SCNN1B: variants seen among roughly 807,000 people sequenced by gnomAD.
The protein encoded by SCNN1B is epithelial sodium channel subunit beta.
A neutral mutation model predicts 65.3 loss-of-function variants in SCNN1B; 46 were observed. That is an observed-to-expected ratio of 0.70 (90% CI 0.56 to 0.90). SCNN1B has a LOEUF of 0.90. SCNN1B is among the 40% of genes least tolerant of loss of function. SCNN1B has a pLI of 0.00. For missense variants in SCNN1B, 751 were observed against 830.5 expected (o/e 0.90, Z 1.18); for synonymous variants, 349 against 330.6 (o/e 1.06, Z -0.60).
chr16:23,373,186 A>G (rs1050177931), intron 7 of SCNN1B, among the ~76,000 whole-genome samples: 5 of 152,170 alleles, frequency 3.3e-5, no homozygotes, highest in African/African-American at 1.2e-4. Flanking sequence ...TGGTGCCATC[A>G]TAGTTCACTG....
intron 1 of SCNN1B, among the ~76,000 whole-genome samples, chr16:23,343,632 AAAGAAAGAAAGAAAG>A (rs1567304443): frequency 3.0e-5 from 4 of 131,734 alleles, no homozygotes; most frequent in African/African-American, 1.2e-4. Context: ...AGAAAGAAAG[AAAGAAAGAAAGAAAG>A]AAAAAAAGAA....
Position 23,371,836 on chromosome 16 carries a change from C to A in SCNN1B, c.1105C>A (p.Pro369Thr), listed in dbSNP as rs137852711. ...SPCTVNGSEV[P>T]VQNFYSDYNT... ...GTGCACCGTGAATGGTTCTGAGGTC[C>A]CCGTCCAAAACTTCTACAGTGACTA... The change falls in exon 7 of 13, where the codon CCC becomes ACC. Residue 369 changes from proline (P) to threonine (T), a missense_variant. Transcript: ENST00000343070. The A allele has an allele frequency of 2.8e-5, 45 of 1,614,224 alleles. No individual in the cohort carries two copies. The African/African-American group carries it at 4.9e-4, about 18-fold the overall frequency.
chr16:23,331,958 C>CTTGTTTGT (rs551211178), intron 1 of SCNN1B, among the ~76,000 whole-genome samples: 2 of 151,864 alleles, frequency 1.3e-5, no homozygotes, highest in Middle Eastern at 3.2e-3. Flanking sequence ...TGGGTTTTTG[C>CTTGTTTGT]TTGTTTGTTT....
At chr16:23,301,034 CAA>C (rs1483953149), upstream of SCNN1B, among the ~76,000 whole-genome samples, 1 of 130,192 alleles carries the variant, frequency 7.7e-6, no homozygotes, top group Admixed American at 7.5e-5. Flanking sequence ...TCCACATAAA[CAA>C]AAAGTCTCAG....
rs147619257 is a variant in SCNN1B at position 23,324,597 on chromosome 16, T to G, written c.-9+22160T>G. Among the ~76,000 whole-genome samples, 113 of 152,234 alleles carry G rather than the reference T, an allele frequency of 7.4e-4. 1 individual carries two copies. In the East Asian group the frequency reaches 0.02, roughly 27 times the overall value. On this transcript the variant is annotated intron_variant, in intron 1 of 12. Transcript: ENST00000343070. Reference sequence around the variant, plus strand: ...TCCTCCTACATAAGCCTCCAAACATTATCAGGTTGACCTTATTTTTCTGAC... The same window carrying G: ...TCCTCCTACATAAGCCTCCAAACATGATCAGGTTGACCTTATTTTTCTGAC...
intron 2 of SCNN1B, among the ~76,000 whole-genome samples, chr16:23,297,094 C>G (rs1427317391): frequency 1.3e-5 from 2 of 152,126 alleles, no homozygotes; most frequent in African/African-American, 4.8e-5. Flanking sequence ...AGACCCAGCG[C>G]CTGGGGGCCT....
At chr16:23,300,993 C>CGTGTGT (rs60930177), upstream of SCNN1B, among the ~76,000 whole-genome samples, 3,157 of 148,452 alleles carry the variant, frequency 0.021, 71 homozygotes, top group African/African-American at 0.056. Context: ...GTTAAAAACA[C>CGTGTGT]GTGTGTGTGT....
chr16:23,324,465 A>G (rs963892074), intron 1 of SCNN1B, among the ~76,000 whole-genome samples: 2 of 152,130 alleles, frequency 1.3e-5, no homozygotes, highest in Non-Finnish European at 2.9e-5. Flanking sequence ...AGCCTCTCAA[A>G]GTGCTGGAAT....
chr16:23,360,182 A>G (rs1567311299), intron 4 of SCNN1B, among the ~76,000 whole-genome samples: 1 of 151,748 alleles, frequency 6.6e-6, no homozygotes, highest in Non-Finnish European at 1.5e-5. Flanking sequence ...TGGGAGAGAG[A>G]GCGAGACTCC....
intron 4 of SCNN1B, among the ~76,000 whole-genome samples, chr16:23,364,024 A>G (rs2142031733): frequency 6.7e-6 from 1 of 148,570 alleles, no homozygotes; most frequent in East Asian, 2.1e-4. Context: ...AAAATTAGCC[A>G]GGCGTGGTGG....
chr16:23,339,668 C>T (rs1222692086), intron 1 of SCNN1B, among the ~76,000 whole-genome samples: 3 of 152,066 alleles, frequency 2.0e-5, no homozygotes, highest in Middle Eastern at 3.4e-3. Context: ...TGGGCTCAAG[C>T]GATTCTCCTG....
At chr16:23,355,624 T>C (rs1320170527) in intron 4 of SCNN1B, 135 bp downstream of exon 4, 2 of 875,840 alleles carry the variant, frequency 2.3e-6, no homozygotes, top group Non-Finnish European at 3.7e-6. Context: ...CAGTTTTCTG[T>C]GCCTCGGTGT....
intron 1 of SCNN1B, among the ~76,000 whole-genome samples, chr16:23,309,429 TAG>T (rs1261504690): frequency 1.3e-5 from 2 of 148,482 alleles, no homozygotes; most frequent in African/African-American, 5.1e-5. Flanking sequence ...GATAGATAGA[TAG>T]ATAGATAGAC....
intron 1 of SCNN1B, among the ~76,000 whole-genome samples, chr16:23,327,044 G>A (rs894763406): frequency 2.6e-5 from 4 of 152,034 alleles, no homozygotes; most frequent in African/African-American, 9.7e-5. Flanking sequence ...AGCCTTCCAA[G>A]AAGCTGGGAC....
intron 1 of SCNN1B, among the ~76,000 whole-genome samples, chr16:23,342,742 G>A (rs941892115): frequency 3.3e-5 from 5 of 152,214 alleles, no homozygotes; most frequent in African/African-American, 1.2e-4. Context: ...ATCCTGGGCT[G>A]CCTGTGGCCT....
At chr16:23,314,491 A>G (rs1001707255) in intron 1 of SCNN1B, among the ~76,000 whole-genome samples, 2 of 152,192 alleles carry the variant, frequency 1.3e-5, no homozygotes, top group East Asian at 1.9e-4. Flanking sequence ...GCCCAAGGTC[A>G]CACAGAGCTA....
chr16:23,372,117 C>T, intron 7 of SCNN1B: 1 of 587,838 alleles, frequency 1.7e-6, no homozygotes, highest in Non-Finnish European at 3.0e-6. Flanking sequence ...TGGGGAAGCC[C>T]AGGGGATTAT....
At chr16:23,285,961 G>A (rs747565454) in intron 2 of SCNN1B, among the ~76,000 whole-genome samples, 9 of 152,106 alleles carry the variant, frequency 5.9e-5, no homozygotes, top group South Asian at 2.1e-4. Flanking sequence ...GCAACAGAGC[G>A]AGACACTGTC....
chr16:23,293,059 G>A (rs1017113894), intron 2 of SCNN1B, among the ~76,000 whole-genome samples: 5 of 140,332 alleles, frequency 3.6e-5, no homozygotes, highest in African/African-American at 8.0e-5. Flanking sequence ...AGTTTGCAGC[G>A]AGCCGAGACT....
Sources: gnomAD v4.1 joint callset for allele counts (sites outside exome capture counted in the v4.1 genomes callset) on GRCh38, gnomAD v4.1.1 for gene constraint, MANE v1.5 for transcripts, NCBI Gene and HGNC (gene_info 2026-07-23, HGNC 2026-07-21) for gene names.